DLGAP2: variants seen among roughly 807,000 people sequenced by gnomAD.
DLGAP2 encodes DLG associated protein 2, also known as disks large-associated protein 2.
A neutral mutation model predicts 100.3 loss-of-function variants in DLGAP2; 26 were observed. The observed-to-expected ratio is 0.26, with a 90% confidence interval of 0.19 to 0.36. The LOEUF is 0.36. Among genes scored for constraint, DLGAP2 ranks in the 10% least tolerant of loss-of-function variants. The probability of loss-of-function intolerance (pLI) is 1.00; values close to 1 mark genes in which losing one functional copy is unlikely to be tolerated. For synonymous variants in DLGAP2, 886 were observed against 630.1 expected (o/e 1.41, Z -6.08); for missense variants, 1,858 against 1,453.2 (o/e 1.28, Z -4.53).
At chr8:962,550 G>T (rs1799750869) in intron 2 of DLGAP2, among the ~76,000 whole-genome samples, 1 of 152,162 alleles carries the variant, frequency 6.6e-6, no homozygotes, top group African/African-American at 2.4e-5. Flanking sequence ...GCCCTGGCCT[G>T]ACCTGTGCTC....
intron 5 of DLGAP2, among the ~76,000 whole-genome samples, chr8:1,560,630 G>A (rs866845935): frequency 2.0e-5 from 3 of 152,176 alleles, no homozygotes; most frequent in Non-Finnish European, 4.4e-5. Flanking sequence ...AAGACCGGGC[G>A]CTCCACTGCC....
At chr8:1,232,139 C>G (rs1798548495) in intron 2 of DLGAP2, among the ~76,000 whole-genome samples, 2 of 152,326 alleles carry the variant, frequency 1.3e-5, no homozygotes, top group South Asian at 4.2e-4. Context: ...TCATCCAGCA[C>G]TGTCCCCTTC....
At chr8:1,011,797 G>T (rs1036080897) in intron 2 of DLGAP2, among the ~76,000 whole-genome samples, 4 of 152,126 alleles carry the variant, frequency 2.6e-5, no homozygotes, top group Non-Finnish European at 5.9e-5. Flanking sequence ...AGTGGGCCCT[G>T]GAATGAGAGT....
chr8:1,691,703 C>T, intron 13 of DLGAP2, 77 bp downstream of exon 13: 1 of 1,271,778 alleles, frequency 7.9e-7, no homozygotes, highest in South Asian at 1.3e-5. Flanking sequence ...TCATTGTTTT[C>T]TTCCTTGTCA....
intron 6 of DLGAP2, among the ~76,000 whole-genome samples, chr8:1,576,855 T>G (rs546315658): frequency 6.6e-6 from 1 of 152,326 alleles, no homozygotes; most frequent in African/African-American, 2.4e-5. Flanking sequence ...CAAGGTAATT[T>G]ATAGATTCAG....
At position 793,516 on chromosome 8, in the gene DLGAP2, T is replaced by C. The variant is rs1026920490; in HGVS notation, c.18+55691T>C. 2.6e-5 allele frequency among the ~76,000 whole-genome samples: 4 copies of C among 152,356 alleles called. No homozygotes were observed. In the East Asian group the frequency reaches 7.7e-4, roughly 29 times the overall value. On this transcript the variant is annotated intron_variant, in intron 1 of 14. Coordinates refer to ENST00000637795, the MANE Select transcript of DLGAP2 (RefSeq NM_001346810.2). ...CCACGCTGCTGGGTCTTTATGGCTC[T>C]TTCAAGATCTGGTGGCTTCTCTTCC... is the stretch of plus-strand genomic sequence containing the variant.
chr8:1,044,133 C>G (rs1413546250), intron 2 of DLGAP2, among the ~76,000 whole-genome samples: 2 of 152,148 alleles, frequency 1.3e-5, no homozygotes, highest in African/African-American at 4.8e-5. Context: ...TACCACAGTC[C>G]TCCTTGTAAC....
At chr8:1,555,207 C>G (rs923174116) in intron 5 of DLGAP2, among the ~76,000 whole-genome samples, 5 of 152,154 alleles carry the variant, frequency 3.3e-5, no homozygotes, top group Non-Finnish European at 7.3e-5. Context: ...GACGCACAAC[C>G]CTGCACAATC....
intron 2 of DLGAP2, among the ~76,000 whole-genome samples, chr8:1,086,336 T>C (rs1016049074): frequency 6.6e-6 from 1 of 152,216 alleles, no homozygotes; most frequent in African/African-American, 2.4e-5. Context: ...TTGTCTTGTT[T>C]TGGGTGTCAG....
intron 1 of DLGAP2, among the ~76,000 whole-genome samples, chr8:801,673 C>G (rs1016839748): frequency 3.3e-5 from 5 of 152,114 alleles, no homozygotes; most frequent in Admixed American, 1.3e-4. Context: ...CAGCGGGCTT[C>G]CTGTGATGAG....
chr8:1,029,067 G>C (rs796826110), intron 2 of DLGAP2, among the ~76,000 whole-genome samples: 15 of 152,292 alleles, frequency 9.8e-5, no homozygotes, highest in African/African-American at 3.6e-4. Flanking sequence ...CTTTCAGCTG[G>C]AAACAGGTAG....
chr8:1,430,027 T>TATATATATACAC (rs1282725274), intron 3 of DLGAP2, among the ~76,000 whole-genome samples: 2 of 76,888 alleles, frequency 2.6e-5, no homozygotes, highest in Admixed American at 1.7e-4. Flanking sequence ...TATATATATA[T>TATATATATACAC]ACACACACAC....
chr8:824,580 TC>T (rs1437324373), intron 1 of DLGAP2, among the ~76,000 whole-genome samples: 1 of 151,988 alleles, frequency 6.6e-6, no homozygotes, highest in Non-Finnish European at 1.5e-5. Flanking sequence ...GTTCCCCTTG[TC>T]CTGGCCCCAG....
intron 3 of DLGAP2, among the ~76,000 whole-genome samples, chr8:1,328,864 C>A (rs533433350): frequency 6.6e-6 from 1 of 152,114 alleles, no homozygotes; most frequent in Non-Finnish European, 1.5e-5. Context: ...GTACACACTT[C>A]GGTGGTTTGC....
At chr8:1,364,395 G>T (rs1276575335) in intron 3 of DLGAP2, among the ~76,000 whole-genome samples, 1 of 151,878 alleles carries the variant, frequency 6.6e-6, no homozygotes, top group Non-Finnish European at 1.5e-5. Context: ...GTGGTCTCCT[G>T]CTGTGGGCAG....
chr8:903,934 G>T (rs567955202), intron 1 of DLGAP2, among the ~76,000 whole-genome samples: 2 of 152,362 alleles, frequency 1.3e-5, no homozygotes, highest in South Asian at 4.1e-4. Context: ...TCCCCTGGAG[G>T]GCGGAGCTGC....
chr8:1,368,196 G>T (rs1314934178), intron 3 of DLGAP2, among the ~76,000 whole-genome samples: 2 of 152,104 alleles, frequency 1.3e-5, no homozygotes, highest in African/African-American at 4.8e-5. Context: ...GCACGTGTGT[G>T]TACGTGTGTG....
chr8:1,448,297 C>T (rs1018554794), intron 3 of DLGAP2, among the ~76,000 whole-genome samples: 5 of 152,010 alleles, frequency 3.3e-5, no homozygotes, highest in Non-Finnish European at 7.4e-5. Flanking sequence ...TCTTTGTTCT[C>T]GTTGGTTTCA....
At chr8:1,462,860 A>C (rs761360297) in intron 3 of DLGAP2, among the ~76,000 whole-genome samples, 6 of 152,236 alleles carry the variant, frequency 3.9e-5, no homozygotes, top group Admixed American at 1.3e-4. Context: ...ATTTTATCTG[A>C]AACGATTAGT....
Sources: allele counts gnomAD v4.1 joint callset (sites outside exome capture counted in the v4.1 genomes callset), GRCh38; gene constraint gnomAD v4.1.1; transcripts MANE v1.5; gene names NCBI Gene and HGNC (gene_info 2026-07-23, HGNC 2026-07-21).